The following DQX1 variants were observed in gnomAD, a reference collection of about 807,000 sequenced individuals.
DQX1 encodes the protein ATP-dependent RNA helicase homolog DQX1.
DQX1 carries 66 observed loss-of-function variants against 81.3 expected under a neutral mutation model. That is an observed-to-expected ratio of 0.81 (90% CI 0.67 to 1.00). DQX1 has a LOEUF of 1.00. Among genes scored for constraint, DQX1 ranks in the 50% least tolerant of loss-of-function variants. The pLI is 0.00. For missense variants in DQX1, 798 were observed against 867.9 expected, an observed-to-expected ratio of 0.92 and a Z score of 1.01; for synonymous variants, 290 against 350.0, an observed-to-expected ratio of 0.83 and a Z score of 1.91.
At chr2:74,523,278 C>G (rs910938008) in intron 5 of DQX1, 32 bp downstream of exon 5, 1 of 1,614,140 alleles carries the variant, frequency 6.2e-7, no homozygotes, top group African/African-American at 1.3e-5. Flanking sequence ...TCTGTCTTTA[C>G]TACCCCACCG....
At chr2:74,523,274 T>C in intron 5 of DQX1, 36 bp downstream of exon 5, 2 of 1,614,134 alleles carry the variant, frequency 1.2e-6, no homozygotes, top group Non-Finnish European at 1.7e-6. Context: ...CATTTCTGTC[T>C]TTACTACCCC....
At chr2:74,524,468 C>A (rs778384798) in intron 3 of DQX1, among the ~76,000 whole-genome samples, 161 bp from the exon 4 acceptor site, 1 of 152,210 alleles carries the variant, frequency 6.6e-6, no homozygotes, top group Admixed American at 6.5e-5. Flanking sequence ...CACCCCACAA[C>A]CCCGCTGAGA....
In DQX1 at chr2:74,523,221, G is replaced by A; in HGVS notation, c.1045-3C>T. 4 of 1,614,144 alleles carry A rather than the reference G, an allele frequency of 2.5e-6. No homozygotes were observed. The highest frequency in any genetic ancestry group is 3.4e-6 in the Non-Finnish European group (4 of 1,180,012). The stretch of plus-strand genomic sequence containing the variant: ...GCTCGGATCCTAGGATTGTAAACCT[G>A]TTGCCCGTCCCCCAACCAAGGCCAA... On this transcript the variant is annotated splice_region_variant and splice_polypyrimidine_tract_variant and intron_variant, in intron 5 of 11. Transcript: ENST00000404568.
At position 74,523,425 on chromosome 2, in the gene DQX1, G is replaced by T. The variant is rs1201277791; in HGVS notation, c.929C>A (p.Ala310Asp). Residue 310 changes from alanine (A) to aspartate (D), a missense_variant, in exon 5 of 12, where the codon GCT (alanine) becomes GAT (aspartate). Ala to Asp is a moderately radical substitution (Grantham distance 126). Coordinates refer to ENST00000404568, the MANE Select transcript of DQX1 (RefSeq NM_133637.3). Reference sequence around the variant, plus strand: ...TCGGGCATCCATGTCCTCATACACAGCCTGAACGGCTCGTCCACAGTCTGG... The same window carrying T: ...TCGGGCATCCATGTCCTCATACACATCCTGAACGGCTCGTCCACAGTCTGG... ...LHPDCGRAVQ[A>D]VYEDMDARKV... 44 of 1,614,044 alleles carry T rather than the reference G, an allele frequency of 2.7e-5. No homozygotes were observed. Among genetic ancestry groups the T allele is most frequent in the Non-Finnish European group, 3.7e-5 (44 of 1,180,046 alleles).
rs750713785 is a variant in DQX1 at position 74,522,878 on chromosome 2, C to T, written c.1281G>A (p.Glu427=). The T allele has an allele frequency of 1.9e-6, 3 of 1,614,000 alleles. No individual in the cohort carries two copies. The highest frequency in any genetic ancestry group is 2.2e-5 in the South Asian group (2 of 91,072). Residue 427 remains glutamate, a synonymous_variant, in exon 7 of 12, where the codon GAG becomes GAA. Coordinates refer to ENST00000404568, the MANE Select transcript of DQX1 (RefSeq NM_133637.3). ...LKRRQIAEPG[E]CHFLDQPAPE... ...CACCAGGCTGGTCCAGGAAGTGACA[C>T]TCCCCTGGCTCTGCAATCTGTCTCC...
chr2:74,525,317 T>C lies in DQX1; in HGVS notation c.238-115A>G. The stretch of plus-strand genomic sequence containing the variant: ...CCTTATTTGGGGAGTCCCCTGGTCT[T>C]TCACCAGCCTCCAGGGCCAACCTAA... On this transcript the variant is annotated intron_variant, in intron 2 of 11. Coordinates refer to ENST00000404568, the MANE Select transcript of DQX1 (RefSeq NM_133637.3). This position sits in a 1 kb window ranked among gnomAD's most constrained non-coding sequence, Gnocchi z 4.1. 6.1e-6 allele frequency: 8 copies of C among 1,321,938 alleles called. No homozygotes were observed. Among genetic ancestry groups the C allele is most frequent in the Non-Finnish European group, 8.1e-6 (8 of 981,876 alleles). The allele number at this position is 1,321,938 out of a possible 1,614,324, so 81.9% of individuals were successfully genotyped here. A position where few individuals can be genotyped will look rare whatever the true frequency, so the allele number is the denominator to read the frequency against.
Position 74,519,154 on chromosome 2 carries a change from C to T in DQX1, c.1883G>A (p.Cys628Tyr), listed in dbSNP as rs748666322. The T allele has an allele frequency of 2.5e-6, 4 of 1,613,208 alleles. No homozygotes were observed. Among genetic ancestry groups the T allele is most frequent in the South Asian group, 2.2e-5 (2 of 90,972 alleles). ...HKHVAQLSSY[C>Y]CYRSRRAPAR... ...AGGAGCTCTGCGGCTTCGGTAGCAGCAGTATGAGGAGAGCTGGGCCACATG... is the reference window on the plus strand; with the variant it reads ...AGGAGCTCTGCGGCTTCGGTAGCAGTAGTATGAGGAGAGCTGGGCCACATG... Residue 628 changes from cysteine to tyrosine, a missense_variant, in exon 11 of 12, where the codon TGC becomes TAC. Cys to Tyr is a radical substitution (Grantham distance 194, BLOSUM62 -2). Coordinates refer to ENST00000404568, the MANE Select transcript of DQX1 (RefSeq NM_133637.3).
In DQX1 at chr2:74,523,020, G is replaced by A. The variant is rs1675071275; in HGVS notation, c.1145-6C>T. The A allele has an allele frequency of 6.2e-7, 1 of 1,613,924 alleles. No individual in the cohort carries two copies. Among genetic ancestry groups the A allele is most frequent in the African/African-American group, 1.3e-5 (1 of 74,906 alleles). ...ATACAGGCAGAGGCAGGATCCTGAGGGGAAAAAGACCTGGGAAAGAAGACC... is the reference window on the plus strand; with the variant it reads ...ATACAGGCAGAGGCAGGATCCTGAGAGGAAAAAGACCTGGGAAAGAAGACC... On this transcript the variant is annotated splice_region_variant and splice_polypyrimidine_tract_variant and intron_variant, in intron 6 of 11. Coordinates refer to ENST00000404568, the MANE Select transcript of DQX1 (RefSeq NM_133637.3).
chr2:74,521,483 C>G (rs1337726982), intron 8 of DQX1, among the ~76,000 whole-genome samples: 1 of 152,028 alleles, frequency 6.6e-6, no homozygotes, highest in Non-Finnish European at 1.5e-5. Context: ...AAACCCGTCT[C>G]TACTAAAAAT....
In DQX1 at chr2:74,518,371, G is replaced by A. The variant is rs1674941078; in HGVS notation, c.*75C>T. 6.5e-7 allele frequency: 1 copy of A among 1,549,332 alleles called. No homozygotes were observed. The highest frequency in any genetic ancestry group is 1.4e-5 in the African/African-American group (1 of 73,340). ...AAACTTTGGGCTTCTAAATCTGTCT[G>A]GGTGCTTTGGTGTCACCCTGAGGGA... On this transcript the variant is annotated 3_prime_UTR_variant, in exon 12 of 12. Coordinates refer to ENST00000404568, the MANE Select transcript of DQX1 (RefSeq NM_133637.3).
Position 74,518,548 on chromosome 2 carries a change from GC to G in DQX1, c.2051del (p.Ser684ThrfsTer5). The G allele has an allele frequency of 1.2e-6, 2 of 1,614,162 alleles. No homozygotes were observed. Among genetic ancestry groups the G allele is most frequent in the Non-Finnish European group, 1.7e-6 (2 of 1,180,010 alleles). On this transcript the variant is annotated frameshift_variant, in exon 12 of 12. Coordinates refer to ENST00000404568, the MANE Select transcript of DQX1 (RefSeq NM_133637.3). LOFTEE classifies it high-confidence loss of function. ...CCCTTAGCTGGTTCAGAAGGTCTCT[GC>G]TCTCACTGGGAGGCAAGTTACTCAG... ...YFLSNLPPSE[S>X]RDLLNQLREG...
At position 74,525,275 on chromosome 2, in the gene DQX1, T is replaced by C. The variant is rs1307306736; in HGVS notation, c.238-73A>G. ...TCAGTCAGAAGTGCTCAGGGAACTA[T>C]GGCCACTTTAATCTTTCCTTATTTG... is the stretch of plus-strand genomic sequence containing the variant. On this transcript the variant is annotated intron_variant, in intron 2 of 11. Transcript: ENST00000404568. This position sits in a 1 kb window ranked among gnomAD's most constrained non-coding sequence, Gnocchi z 4.1. 2.1e-6 allele frequency: 3 copies of C among 1,426,752 alleles called. No individual in the cohort carries two copies. The highest frequency in any genetic ancestry group is 1.4e-5 in the African/African-American group (1 of 69,482). The allele number at this position is 1,426,752 out of a possible 1,614,324, so 88.4% of individuals were successfully genotyped here. A position where few individuals can be genotyped will look rare whatever the true frequency, so the allele number is the denominator to read the frequency against.
In DQX1 at chr2:74,520,024, C is replaced by T. The variant is rs1457499905; in HGVS notation, c.1506G>A (p.Gly502=). ...CTGCACTGAGTGGAGGACGGGTAAA[C>T]CCAGGGGCAGCTGGAGGCAGAAGAG... The part of the protein sequence containing the change: ...TLAAMLTAAP[G]FTRPPLSAEE... The change falls in exon 9 of 12, where the codon GGG becomes GGA. Residue 502 remains glycine (G), a synonymous_variant. Transcript: ENST00000404568. 2 of 1,612,718 alleles carry T rather than the reference C, an allele frequency of 1.2e-6. No homozygotes were observed. The highest frequency in any genetic ancestry group is 2.2e-5 in the East Asian group (1 of 44,824).
rs778753797 is a variant in DQX1, at chr2:74,519,730, A to C, written c.1632T>G (p.Ala544=). The C allele has an allele frequency of 1.1e-5, 18 of 1,614,096 alleles. No individual in the cohort carries two copies. Among genetic ancestry groups the C allele is most frequent in the South Asian group, 2.2e-5 (2 of 91,096 alleles). Residue 544 remains alanine (A), a synonymous_variant, in exon 10 of 12, where the codon GCT becomes GCG. Transcript: ENST00000404568. ...AATTCAGACCTCGAGCCTGGCACCA[A>C]GCCTCATCTGCTCCACCTAGGAGAG... ...EAFIQSGADE[A]WCQARGLNWA...
chr2:74,525,403 C>G lies in DQX1; in HGVS notation c.237+90G>C. ...CCCCACGCAGCCCAGTCCCCCCTTG[C>G]CCAGGGAAAGGCCACTTTCCCTTTG... On this transcript the variant is annotated intron_variant, in intron 2 of 11. Coordinates refer to ENST00000404568, the MANE Select transcript of DQX1 (RefSeq NM_133637.3). This position sits in a 1 kb window ranked among gnomAD's most constrained non-coding sequence, Gnocchi z 4.1. 7.1e-7 allele frequency: 1 copy of G among 1,407,324 alleles called. No individual in the cohort carries two copies. The highest frequency in any genetic ancestry group is 1.3e-5 in the South Asian group (1 of 74,522). The allele number at this position is 1,407,324 out of a possible 1,614,324, so 87.2% of individuals were successfully genotyped here.
At chr2:74,522,487 AGAGAG>A in intron 8 of DQX1, 88 bp downstream of exon 8, 1 of 1,459,920 alleles carries the variant, frequency 6.8e-7, no homozygotes, top group Non-Finnish European at 9.3e-7. Flanking sequence ...CAACTGGAGC[AGAGAG>A]GAAAGGGCTA....
chr2:74,522,016 G>A (rs1037106949), intron 8 of DQX1, among the ~76,000 whole-genome samples: 20 of 152,192 alleles, frequency 1.3e-4, no homozygotes, highest in Non-Finnish European at 2.9e-4. Context: ...TGGATAAGAA[G>A]AGGACAAAGA....
chr2:74,524,780 G>A (rs1463296459), intron 3 of DQX1, among the ~76,000 whole-genome samples: 1 of 152,194 alleles, frequency 6.6e-6, no homozygotes, highest in East Asian at 1.9e-4. Context: ...TTACTTGGGA[G>A]GCTGAGGTGG....
At chr2:74,520,668 T>G (rs1290561192) in intron 8 of DQX1, among the ~76,000 whole-genome samples, 5 of 151,982 alleles carry the variant, frequency 3.3e-5, no homozygotes, top group South Asian at 2.1e-4. Flanking sequence ...TGGGGTTTTT[T>G]TTGTTGTTGT....
Sources: allele counts gnomAD v4.1 joint callset (sites outside exome capture counted in the v4.1 genomes callset), GRCh38; gene constraint gnomAD v4.1.1; non-coding constraint Gnocchi (gnomAD v3.1); transcripts MANE v1.5; gene names NCBI Gene and HGNC (gene_info 2026-07-23, HGNC 2026-07-21).